Variants in ZNF451 observed in about 807,000 individuals in gnomAD.
ZNF451 encodes zinc finger protein 451.
A neutral mutation model predicts 107.1 loss-of-function variants in ZNF451; 80 were observed. That is an observed-to-expected ratio of 0.75 (90% CI 0.62 to 0.90). The LOEUF is 0.90. ZNF451 is among the 40% of genes least tolerant of loss of function. The probability of loss-of-function intolerance (pLI) is 0.00; values close to 1 mark genes in which losing one functional copy is unlikely to be tolerated. For synonymous variants in ZNF451, 362 were observed against 406.5 expected (o/e 0.89, Z 1.32); for missense variants, 1,107 against 1,236.2 (o/e 0.90, Z 1.57).
At chr6:57,132,929 C>A in intron 5 of ZNF451, 113 bp from the exon 6 acceptor site, 1 of 1,000,870 alleles carries the variant, frequency 1.0e-6, no homozygotes. Flanking sequence ...TAATTAGCAT[C>A]ATCCAGTTGA....
At chr6:57,102,493 GTCTGT>G (rs1829654660) in intron 3 of ZNF451, 12 of 993,164 alleles carry the variant, frequency 1.2e-5, no homozygotes, top group African/African-American at 1.7e-5. Flanking sequence ...AATACTAGAT[GTCTGT>G]TTACTAAGAC....
intron 3 of ZNF451, among the ~76,000 whole-genome samples, chr6:57,118,567 C>T (rs976252393): frequency 6.6e-6 from 1 of 152,060 alleles, no homozygotes; most frequent in African/African-American, 2.4e-5. Context: ...TTTGGAGCCT[C>T]GATCTCCTGG....
At chr6:57,101,665 C>T (rs1345326263) in intron 3 of ZNF451, 3 of 1,550,620 alleles carry the variant, frequency 1.9e-6, no homozygotes, top group Non-Finnish European at 2.6e-6. Context: ...AGAATTTGAT[C>T]GTGGAAAAGC....
At position 57,140,802 on chromosome 6, in the gene ZNF451, T is replaced by C. The variant is rs982127175; in HGVS notation, c.703-500T>C. Among the ~76,000 whole-genome samples the C allele has an allele frequency of 3.9e-5, 6 of 152,194 alleles. No individual in the cohort carries two copies. The East Asian group carries it at 9.6e-4, about 24-fold the overall frequency. ...TTTTAGGGATTTCCTTTAGGTACTA[T>C]GGAATGAGAAAACTAATAGGCAGAA... On this transcript the variant is annotated intron_variant, in intron 7 of 14. Coordinates refer to ENST00000370706, the MANE Select transcript of ZNF451 (RefSeq NM_001031623.3).
chr6:57,163,608 G>A (rs58485580), intron 14 of ZNF451, among the ~76,000 whole-genome samples: 1 of 150,070 alleles, frequency 6.7e-6, no homozygotes, highest in Non-Finnish European at 1.5e-5. Flanking sequence ...CCGCCACCAC[G>A]CCCGGCTAAT....
intron 3 of ZNF451, chr6:57,108,157 A>G: frequency 7.1e-6 from 7 of 985,284 alleles, no homozygotes; most frequent in Non-Finnish European, 8.4e-6. Context: ...GTGATATTTT[A>G]AAAAATTCTA....
intron 9 of ZNF451, 29 bp downstream of exon 9, chr6:57,142,124 A>G: frequency 1.9e-6 from 3 of 1,567,760 alleles, no homozygotes; most frequent in African/African-American, 1.3e-5. Flanking sequence ...CTGTAAAGGA[A>G]TACGGATGAG....
chr6:57,154,077 C>T (rs923474544), intron 13 of ZNF451, 30 bp downstream of exon 13: 23 of 1,612,034 alleles, frequency 1.4e-5, no homozygotes, highest in African/African-American at 5.3e-5. Flanking sequence ...GTGCAAACCA[C>T]CCAAGAGGAG....
At chr6:57,109,733 G>C in intron 3 of ZNF451, 1 of 937,642 alleles carries the variant, frequency 1.1e-6, no homozygotes, top group Non-Finnish European at 1.3e-6. Flanking sequence ...CTTTTCTCAA[G>C]TACAAGCTAA....
intron 2 of ZNF451, among the ~76,000 whole-genome samples, chr6:57,098,371 T>C (rs1829427982): frequency 6.6e-6 from 1 of 151,982 alleles, no homozygotes; most frequent in South Asian, 2.1e-4. Context: ...TTTACTTGTA[T>C]TCTCTTGTAT....
chr6:57,110,235 G>C (rs1156886670), intron 3 of ZNF451, among the ~76,000 whole-genome samples: 1 of 152,042 alleles, frequency 6.6e-6, no homozygotes, highest in Non-Finnish European at 1.5e-5. Context: ...TAGTCTTTAG[G>C]GGGAACAGAA....
intron 9 of ZNF451, among the ~76,000 whole-genome samples, chr6:57,145,504 A>G: frequency 6.6e-6 from 1 of 152,120 alleles, no homozygotes; most frequent in Middle Eastern, 3.2e-3. Context: ...TCCACTCTAT[A>G]TGTCCACGTG....
intron 2 of ZNF451, among the ~76,000 whole-genome samples, chr6:57,096,043 C>T (rs1022879517): frequency 3.9e-5 from 6 of 151,990 alleles, no homozygotes; most frequent in African/African-American, 1.2e-4. Context: ...CAGATGGTCT[C>T]GAACTCATGG....
intron 2 of ZNF451, among the ~76,000 whole-genome samples, chr6:57,096,960 G>A (rs1458811861): frequency 1.3e-5 from 2 of 151,490 alleles, no homozygotes; most frequent in African/African-American, 4.9e-5. Context: ...AGTGGAGACA[G>A]GGTTTCACCA....
chr6:57,114,736 CCAAA>C (rs1253716164), intron 3 of ZNF451, among the ~76,000 whole-genome samples: 1 of 151,896 alleles, frequency 6.6e-6, no homozygotes, highest in African/African-American at 2.4e-5. Context: ...CATTATGTTC[CCAAA>C]CAAAAGACTG....
chr6:57,164,465 T>C (rs1233650192), intron 14 of ZNF451, among the ~76,000 whole-genome samples: 1 of 152,224 alleles, frequency 6.6e-6, no homozygotes, highest in Admixed American at 6.5e-5. Flanking sequence ...TCTAGAGGTA[T>C]GTCTGTTAAC....
Position 57,154,067 on chromosome 6 carries a change from G to A in ZNF451, c.3070+20G>A. The A allele has an allele frequency of 6.2e-7, 1 of 1,613,536 alleles. No individual in the cohort carries two copies. Among genetic ancestry groups the A allele is most frequent in the South Asian group, 1.1e-5 (1 of 91,074 alleles). ...CCAAAGGTACGCAGCTGCAGTCACA[G>A]TGCAAACCACCCAAGAGGAGGAGAC... On this transcript the variant is annotated intron_variant, in intron 13 of 14. Coordinates refer to ENST00000370706, the MANE Select transcript of ZNF451 (RefSeq NM_001031623.3).
At chr6:57,165,930 T>G (rs564233321) in intron 14 of ZNF451, 1 of 152,392 alleles carries the variant, frequency 6.6e-6, no homozygotes, top group Admixed American at 6.5e-5. Context: ...GGGAAGTTGC[T>G]CTGGGTGAGT....
intron 4 of ZNF451, chr6:57,126,530 A>G (rs1593124471): frequency 6.6e-6 from 1 of 152,320 alleles, no homozygotes; most frequent in East Asian, 1.9e-4. Context: ...CAACTATTGT[A>G]GGCCTTTGTG....
Sources: allele counts gnomAD v4.1 joint callset (sites outside exome capture counted in the v4.1 genomes callset), GRCh38; gene constraint gnomAD v4.1.1; transcripts MANE v1.5; gene names NCBI Gene and HGNC (gene_info 2026-07-23, HGNC 2026-07-21).